Variants in TTC39C observed in about 807,000 individuals in gnomAD.
TTC39C encodes the protein tetratricopeptide repeat domain 39C, also known as tetratricopeptide repeat protein 39C.
Under a neutral mutation model 76.3 loss-of-function variants are expected in TTC39C, and 33 were observed. The ratio of observed to expected loss-of-function variants is 0.43; its 90% CI spans 0.33 to 0.58. TTC39C has a LOEUF of 0.58. TTC39C is among the 20% of genes least tolerant of loss of function. The pLI, the probability that TTC39C is intolerant of heterozygous loss-of-function variation, is 0.04. For missense variants in TTC39C, 595 were observed against 701.4 expected, an observed-to-expected ratio of 0.85 and a Z score of 1.71; for synonymous variants, 254 against 260.6, an observed-to-expected ratio of 0.97 and a Z score of 0.24.
chr18:24,075,552 C>T (rs931932475), intron 4 of TTC39C, among the ~76,000 whole-genome samples: 4 of 151,790 alleles, frequency 2.6e-5, no homozygotes, highest in Admixed American at 6.6e-5. Flanking sequence ...GGCTTGGTGG[C>T]GTGTGCCTGT....
At chr18:24,100,505 G>A (rs147083749) in intron 6 of TTC39C, among the ~76,000 whole-genome samples, 57 of 152,364 alleles carry the variant, frequency 3.7e-4, no homozygotes, top group Middle Eastern at 3.4e-3. Context: ...CAGGAGGCGT[G>A]TGCAGCACAA....
At chr18:24,109,850 C>CA (rs1354465175) in intron 6 of TTC39C, among the ~76,000 whole-genome samples, 2 of 151,796 alleles carry the variant, frequency 1.3e-5, no homozygotes, top group East Asian at 3.9e-4. Context: ...AGTAAAAATC[C>CA]AAAAAATTAG....
intron 1 of TTC39C, among the ~76,000 whole-genome samples, chr18:24,032,543 T>G (rs1443606251): frequency 6.6e-6 from 1 of 152,258 alleles, no homozygotes; most frequent in Non-Finnish European, 1.5e-5. Flanking sequence ...CAGAATTCAT[T>G]TATGTTTCAT....
At chr18:24,004,794 A>AG (rs2145629514) in intron 1 of TTC39C, among the ~76,000 whole-genome samples, 1 of 152,284 alleles carries the variant, frequency 6.6e-6, no homozygotes, top group Non-Finnish European at 1.5e-5. Context: ...ACATATACTA[A>AG]GGGTAACAAA....
intron 6 of TTC39C, among the ~76,000 whole-genome samples, chr18:24,087,294 CTG>C (rs1285801807): frequency 6.6e-6 from 1 of 152,104 alleles, no homozygotes; most frequent in Non-Finnish European, 1.5e-5. Flanking sequence ...TTTTCATAAA[CTG>C]TTTTCAGTTG....
rs543725471 is a variant in TTC39C at position 24,038,501 on chromosome 18, T to C, written c.167+23463T>C. 1.7e-4 allele frequency among the ~76,000 whole-genome samples: 26 copies of C among 152,246 alleles called. No individual in the cohort carries two copies. The East Asian group carries it at 3.1e-3, about 18-fold the overall frequency. On this transcript the variant is annotated intron_variant, in intron 1 of 13. Coordinates refer to ENST00000317571, the MANE Select transcript of TTC39C (RefSeq NM_001135993.2). ...ACTCACCACATTGTCCTGGCTAGTC[T>C]TGAACTCCTGGGCTCAAGCAATCCG...
intron 1 of TTC39C, among the ~76,000 whole-genome samples, chr18:24,032,466 T>TG (rs1242797405): frequency 2.6e-5 from 4 of 152,250 alleles, no homozygotes; most frequent in African/African-American, 9.6e-5. Context: ...TTTCAGATTT[T>TG]TTCAGATTTT....
At chr18:24,045,200 T>TGG (rs896678892) in intron 1 of TTC39C, among the ~76,000 whole-genome samples, 2 of 133,166 alleles carry the variant, frequency 1.5e-5, no homozygotes, top group African/African-American at 5.7e-5. Context: ...ACCCGGGAGG[T>TGG]GGAGGTAGCA....
At chr18:24,072,277 AC>A (rs1328717979) in intron 4 of TTC39C, among the ~76,000 whole-genome samples, 2 of 149,870 alleles carry the variant, frequency 1.3e-5, no homozygotes, top group East Asian at 3.9e-4. Flanking sequence ...GCCAATGTGA[AC>A]TTTTTAATGA....
intron 9 of TTC39C, among the ~76,000 whole-genome samples, chr18:24,124,915 G>A (rs1472344012): frequency 1.3e-5 from 2 of 152,072 alleles, no homozygotes; most frequent in South Asian, 2.1e-4. Context: ...TTTTTGAGAC[G>A]GAGTTTTGCT....
intron 7 of TTC39C, among the ~76,000 whole-genome samples, chr18:24,116,175 T>C (rs5018694): frequency 0.4 from 61,272 of 152,158 alleles, 12,672 homozygotes; most frequent in African/African-American, 0.5. Flanking sequence ...GACTTATTCC[T>C]GAGTCAGTGC....
chr18:24,010,646 A>G (rs2083387271), upstream of TTC39C, among the ~76,000 whole-genome samples: 1 of 152,260 alleles, frequency 6.6e-6, no homozygotes, highest in Admixed American at 6.5e-5. Context: ...TGGATTTACA[A>G]AAAGATGCAC....
In TTC39C at chr18:24,081,057, G is replaced by A. The variant is rs938021907; in HGVS notation, c.815+118G>A. ...ATGTTTGGTTGGTTGACAGGGTGCTGTGTCTTATGTCTTTCAATGCAACAC... is the reference window on the plus strand; with the variant it reads ...ATGTTTGGTTGGTTGACAGGGTGCTATGTCTTATGTCTTTCAATGCAACAC... On this transcript the variant is annotated intron_variant, in intron 5 of 13. Transcript: ENST00000317571. The A allele has an allele frequency of 1.3e-5, 12 of 903,364 alleles. No homozygotes were observed. The African/African-American group carries it at 2.0e-4, about 15-fold the overall frequency. The allele number at this position is 903,364 out of a possible 1,614,324, so 56.0% of individuals were successfully genotyped here.
chr18:24,027,980 A>T (rs924854031), intron 1 of TTC39C, among the ~76,000 whole-genome samples: 2 of 152,150 alleles, frequency 1.3e-5, no homozygotes, highest in African/African-American at 4.8e-5. Flanking sequence ...CACAGAAAAG[A>T]GTTTTGTTTA....
chr18:24,023,387 G>T (rs972877419), intron 1 of TTC39C, among the ~76,000 whole-genome samples: 9 of 152,144 alleles, frequency 5.9e-5, no homozygotes, highest in Admixed American at 3.3e-4. Flanking sequence ...CCACATGCAG[G>T]TCTCAACAGT....
chr18:24,088,854 C>A (rs1165556633), intron 6 of TTC39C, among the ~76,000 whole-genome samples: 1 of 152,186 alleles, frequency 6.6e-6, no homozygotes, highest in Non-Finnish European at 1.5e-5. Context: ...GAAAGACTTT[C>A]TTTACACTTC....
At chr18:24,112,103 G>A (rs1218507988) in intron 6 of TTC39C, among the ~76,000 whole-genome samples, 2 of 152,224 alleles carry the variant, frequency 1.3e-5, no homozygotes, top group Non-Finnish European at 2.9e-5. Context: ...TCTGGAGGCT[G>A]TGGGGAGAAC....
At chr18:24,103,120 G>T (rs1203604361) in intron 6 of TTC39C, among the ~76,000 whole-genome samples, 3 of 152,064 alleles carry the variant, frequency 2.0e-5, no homozygotes, top group Admixed American at 2.0e-4. Flanking sequence ...AGAAAAAAGG[G>T]CTCTTTATTT....
chr18:24,062,927 C>A (rs954423696), intron 1 of TTC39C, among the ~76,000 whole-genome samples: 1 of 152,208 alleles, frequency 6.6e-6, no homozygotes, highest in Admixed American at 6.5e-5. Flanking sequence ...TGTGTATACA[C>A]ACAGAGTCAC....
Sources: gnomAD v4.1 joint callset for allele counts (sites outside exome capture counted in the v4.1 genomes callset) on GRCh38, gnomAD v4.1.1 for gene constraint, MANE v1.5 for transcripts, NCBI Gene and HGNC (gene_info 2026-07-23, HGNC 2026-07-21) for gene names.